The following CD9 variants were observed in gnomAD, a reference collection of about 807,000 sequenced individuals.
The protein encoded by CD9 is CD9 molecule.
A neutral mutation model predicts 31.4 loss-of-function variants in CD9; 10 were observed. The ratio of observed to expected loss-of-function variants is 0.32; its 90% confidence interval spans 0.20 to 0.54. The LOEUF (loss-of-function observed/expected upper bound fraction) is 0.54. Among genes scored for constraint, CD9 ranks in the 20% least tolerant of loss-of-function variants. CD9 has a pLI of 0.94. For synonymous variants in CD9, 113 were observed against 114.1 expected, an observed-to-expected ratio of 0.99 and a Z score of 0.06; for missense variants, 259 against 300.1, an observed-to-expected ratio of 0.86 and a Z score of 1.01.
intron 1 of CD9, among the ~76,000 whole-genome samples, chr12:6,213,748 G>A (rs1946215687): frequency 6.6e-6 from 1 of 152,128 alleles, no homozygotes; most frequent in Non-Finnish European, 1.5e-5. Flanking sequence ...TAGCGCCTGA[G>A]GGTGCAGCTT....
intron 4 of CD9, 132 bp downstream of exon 4, chr12:6,233,618 C>T (rs1353030427): frequency 2.8e-6 from 2 of 704,336 alleles, no homozygotes; most frequent in Admixed American, 2.3e-5. Flanking sequence ...TCATCGCGTC[C>T]CTGTGTGCCA....
rs200645157 is a variant in CD9, at chr12:6,235,334, C to T, written c.447+7C>T. The T allele has an allele frequency of 3.4e-5, 55 of 1,614,220 alleles. No homozygotes were observed. The highest frequency in any genetic ancestry group is 2.4e-4 in the African/African-American group (18 of 75,070). ...GAAAGCCATCCACTATGCGGTATGT[C>T]GCCTTGGCAAAGACACCCTCCTGCG... On this transcript the variant is annotated splice_region_variant and intron_variant, in intron 5 of 7. Coordinates refer to ENST00000009180, the MANE Select transcript of CD9 (RefSeq NM_001769.4).
intron 1 of CD9, among the ~76,000 whole-genome samples, chr12:6,223,099 A>G: frequency 6.6e-6 from 1 of 152,194 alleles, no homozygotes; most frequent in East Asian, 1.9e-4. Context: ...AGGGTGAGAA[A>G]CAGGTTGTGG....
intron 1 of CD9, among the ~76,000 whole-genome samples, chr12:6,215,163 G>T (rs1946232193): frequency 6.6e-6 from 1 of 152,252 alleles, no homozygotes; most frequent in East Asian, 1.9e-4. Context: ...TGCCAGTCCT[G>T]CTCCCTCGTG....
At chr12:6,205,289 A>T (rs111908139) in intron 1 of CD9, among the ~76,000 whole-genome samples, 16 of 152,302 alleles carry the variant, frequency 1.1e-4, no homozygotes, top group African/African-American at 3.4e-4. Context: ...GGTGTGAACA[A>T]CAAAGACCCA....
chr12:6,212,589 G>A (rs1414717555), intron 1 of CD9, among the ~76,000 whole-genome samples: 2 of 152,230 alleles, frequency 1.3e-5, no homozygotes, highest in Non-Finnish European at 2.9e-5. Flanking sequence ...CCCTGGAAAG[G>A]GAGGCCACAG....
rs1159410023 is a variant in CD9 at position 6,225,825 on chromosome 12, C to T, written c.175+291C>T. The T allele has an allele frequency of 1.8e-5, 7 of 399,766 alleles. No individual in the cohort carries two copies. In the East Asian group the frequency reaches 2.5e-4, roughly 14 times the overall value. The allele number at this position is 399,766 out of a possible 1,614,324, so 24.8% of individuals were successfully genotyped here. ...AGTTGTACTCATTCTTGAGGGTTTA[C>T]GAACCTCTGTTCTCATCTCTGATGC... is the stretch of plus-strand genomic sequence containing the variant. On this transcript the variant is annotated intron_variant, in intron 2 of 7. Transcript: ENST00000009180.
At position 6,217,296 on chromosome 12, in the gene CD9, T is replaced by A. The variant is rs1169021596; in HGVS notation, c.67-8130T>A. Among the ~76,000 whole-genome samples, 4 of 151,544 alleles carry A rather than the reference T, an allele frequency of 2.6e-5. No homozygotes were observed. The East Asian group carries it at 7.8e-4, about 29-fold the overall frequency. ...CCAAGCTTTGGGAGGCCAAGGTGGG[T>A]GGATTGCTTGAGCTCAGGAGTTCAA... On this transcript the variant is annotated intron_variant, in intron 1 of 7. Transcript: ENST00000009180.
In CD9 at chr12:6,236,303, G is replaced by A. The variant is rs753509951; in HGVS notation, c.621+28G>A. 8.8e-6 allele frequency: 14 copies of A among 1,597,742 alleles called. No individual in the cohort carries two copies. The South Asian group carries it at 1.1e-4, about 13-fold the overall frequency. On this transcript the variant is annotated intron_variant, in intron 7 of 7. Coordinates refer to ENST00000009180, the MANE Select transcript of CD9 (RefSeq NM_001769.4). ...GAGTGGCAGGACGTCGTCCCAGGAG[G>A]GGGACTGAGGAGTTCACATTGATTC... is the stretch of plus-strand genomic sequence containing the variant.
intron 1 of CD9, among the ~76,000 whole-genome samples, chr12:6,208,279 A>C (rs945112119): frequency 6.6e-6 from 1 of 150,636 alleles, no homozygotes; most frequent in African/African-American, 2.4e-5. Flanking sequence ...CCCAATGCAC[A>C]TCCAAGTTTC....
chr12:6,237,696 C>T lies in CD9; in HGVS notation c.622-67C>T, dbSNP rs925080147. 18 of 1,222,656 alleles carry T rather than the reference C, an allele frequency of 1.5e-5. No homozygotes were observed. The African/African-American group carries it at 2.5e-4, about 17-fold the overall frequency. 75.7% of individuals were successfully genotyped at this position (1,222,656 alleles called of 1,614,324 possible). On this transcript the variant is annotated intron_variant, in intron 7 of 7. Coordinates refer to ENST00000009180, the MANE Select transcript of CD9 (RefSeq NM_001769.4). ...TTCTTGGACTGGGTGACCCATGTCT[C>T]TCCCTTTCCCTCAGCCTTCCTTCAG... is the stretch of plus-strand genomic sequence containing the variant.
At chr12:6,218,876 A>T (rs993639572) in intron 1 of CD9, among the ~76,000 whole-genome samples, 1 of 152,186 alleles carries the variant, frequency 6.6e-6, no homozygotes, top group Non-Finnish European at 1.5e-5. Context: ...TGAGGCTCAC[A>T]TAAGCCCCAG....
chr12:6,220,752 A>G (rs1376950790), intron 1 of CD9, among the ~76,000 whole-genome samples: 1 of 152,210 alleles, frequency 6.6e-6, no homozygotes, highest in Non-Finnish European at 1.5e-5. Flanking sequence ...TTTTAGATCT[A>G]CAGAAAAGTT....
At chr12:6,225,199 G>A (rs1946347084) in intron 1 of CD9, 1 of 553,120 alleles carries the variant, frequency 1.8e-6, no homozygotes, top group African/African-American at 1.9e-5. Context: ...TACCCCTTCA[G>A]CCAATGGGCG....
At chr12:6,205,641 CCTGTT>C (rs1424049918) in intron 1 of CD9, among the ~76,000 whole-genome samples, 8 of 152,132 alleles carry the variant, frequency 5.3e-5, no homozygotes, top group Non-Finnish European at 1.0e-4. Context: ...TTTTTGTTTT[CCTGTT>C]CTGTTCAATT....
intron 1 of CD9, among the ~76,000 whole-genome samples, chr12:6,211,649 C>G (rs189133609): frequency 1.3e-5 from 2 of 152,116 alleles, no homozygotes; most frequent in Non-Finnish European, 2.9e-5. Context: ...GACAGCTCGG[C>G]GAGGCATACA....
Position 6,232,986 on chromosome 12 carries a change from T to C in CD9, c.273+257T>C. 1.4e-6 allele frequency: 1 copy of C among 702,448 alleles called. No individual in the cohort carries two copies. The highest frequency in any genetic ancestry group is 2.6e-6 in the Non-Finnish European group (1 of 384,848). The allele number at this position is 702,448 out of a possible 1,614,324, so 43.5% of individuals were successfully genotyped here. A position where few individuals can be genotyped will look rare whatever the true frequency, so the allele number is the denominator to read the frequency against. On this transcript the variant is annotated intron_variant, in intron 3 of 7. Transcript: ENST00000009180. This position sits in a 1 kb window ranked among gnomAD's most constrained non-coding sequence, Gnocchi z 4.8. The stretch of plus-strand genomic sequence containing the variant: ...CCTTTTCTCGAGGACCACGTTTGCT[T>C]TTTTTCCCTGAATCCACAGGTACCT...
intron 1 of CD9, among the ~76,000 whole-genome samples, chr12:6,209,982 G>A (rs2136605526): frequency 6.6e-6 from 1 of 152,322 alleles, no homozygotes; most frequent in Admixed American, 6.5e-5. Flanking sequence ...ACCGCGCCCA[G>A]CTGGGACTGC....
At chr12:6,221,698 G>T (rs1474810261) in intron 1 of CD9, among the ~76,000 whole-genome samples, 4 of 151,776 alleles carry the variant, frequency 2.6e-5, no homozygotes, top group Non-Finnish European at 5.9e-5. Context: ...AGCTGAAGCT[G>T]GGCGCAGTGG....
Sources: allele counts gnomAD v4.1 joint callset (sites outside exome capture counted in the v4.1 genomes callset), GRCh38; gene constraint gnomAD v4.1.1; non-coding constraint Gnocchi (gnomAD v3.1); transcripts MANE v1.5; gene names NCBI Gene and HGNC (gene_info 2026-07-23, HGNC 2026-07-21).